The following CIMIP3 variants were observed in gnomAD, a reference collection of about 807,000 sequenced individuals.
The protein encoded by CIMIP3 is ciliary microtubule inner protein 3.
chr6:42,162,605 C>T, the CIMIP3 span, among the ~76,000 whole-genome samples: 4 of 133,804 alleles, frequency 3.0e-5, no homozygotes, highest in Non-Finnish European at 4.6e-5. Context: ...GCCAAGGACA[C>T]GGACAGACGA....
chr6:42,156,342 A>G, the CIMIP3 span, among the ~76,000 whole-genome samples: 155 of 145,138 alleles, frequency 1.1e-3, 1 homozygote, highest in Middle Eastern at 3.7e-3. Context: ...TAAAATAGAG[A>G]TGAGGTCTCT....
chr6:42,155,948 A>C, the CIMIP3 span, among the ~76,000 whole-genome samples: 1 of 152,146 alleles, frequency 6.6e-6, no homozygotes, highest in South Asian at 2.1e-4. Context: ...TGAGGTACAG[A>C]GATTATAATT....
the CIMIP3 span, among the ~76,000 whole-genome samples, chr6:42,160,682 G>A: frequency 6.6e-6 from 1 of 152,210 alleles, no homozygotes; most frequent in African/African-American, 2.4e-5. Context: ...CACAGAAGAG[G>A]ACAAGATGGG....
At chr6:42,158,666 C>A in the CIMIP3 span, among the ~76,000 whole-genome samples, 1 of 152,222 alleles carries the variant, frequency 6.6e-6, no homozygotes, top group Non-Finnish European at 1.5e-5. Context: ...TGCTTTGATG[C>A]CTCCGAGCCT....
At chr6:42,157,150 G>A in the CIMIP3 span, among the ~76,000 whole-genome samples, 7 of 152,336 alleles carry the variant, frequency 4.6e-5, no homozygotes, top group East Asian at 1.9e-4. Flanking sequence ...ACGCATATTA[G>A]TATATATGTA....
the CIMIP3 span, among the ~76,000 whole-genome samples, chr6:42,160,738 G>C: frequency 6.6e-6 from 1 of 152,220 alleles, no homozygotes; most frequent in Non-Finnish European, 1.5e-5. Context: ...AAGGTTTCAA[G>C]TCTGCTGCTG....
the CIMIP3 span, among the ~76,000 whole-genome samples, chr6:42,158,502 C>T: frequency 2.0e-5 from 3 of 152,176 alleles, no homozygotes; most frequent in South Asian, 2.1e-4. Context: ...TAAACACAGC[C>T]GAGGTGTGGA....
chr6:42,155,570 C>T, the CIMIP3 span: 2 of 717,344 alleles, frequency 2.8e-6, no homozygotes, highest in Non-Finnish European at 5.2e-6. Context: ...AAGCCCCAGC[C>T]AGCCTCACAT....
chr6:42,156,283 A>C, the CIMIP3 span, among the ~76,000 whole-genome samples: 1 of 149,872 alleles, frequency 6.7e-6, no homozygotes, highest in Admixed American at 6.6e-5. Flanking sequence ...GGCGTGAGCC[A>C]CTGTGCTCAG....
the CIMIP3 span, among the ~76,000 whole-genome samples, chr6:42,159,358 G>A: frequency 1.6e-4 from 24 of 152,314 alleles, no homozygotes; most frequent in East Asian, 3.5e-3. Flanking sequence ...GTGCTCAGTC[G>A]TGGTGTCTTT....
At chr6:42,157,675 C>T in the CIMIP3 span, among the ~76,000 whole-genome samples, 1 of 152,094 alleles carries the variant, frequency 6.6e-6, no homozygotes, top group African/African-American at 2.4e-5. Context: ...TAGGCATGAG[C>T]CACCACGCTG....
chr6:42,156,153 C>T, the CIMIP3 span, among the ~76,000 whole-genome samples: 14 of 151,912 alleles, frequency 9.2e-5, no homozygotes, highest in Admixed American at 9.2e-4. Context: ...GCCACCACGC[C>T]CGGCTAATTT....
chr6:42,160,503 T>A, the CIMIP3 span, among the ~76,000 whole-genome samples: 6 of 152,206 alleles, frequency 3.9e-5, no homozygotes, highest in African/African-American at 1.4e-4. Flanking sequence ...GTTTACAGCC[T>A]GTTGGGACTT....
the CIMIP3 span, among the ~76,000 whole-genome samples, chr6:42,162,441 CTG>C: frequency 2.1e-4 from 31 of 146,802 alleles, no homozygotes; most frequent in African/African-American, 7.3e-4. Flanking sequence ...GAGTCTCGCT[CTG>C]TGAGTGTGAA....
the CIMIP3 span, among the ~76,000 whole-genome samples, chr6:42,160,191 G>A: frequency 6.6e-6 from 1 of 151,770 alleles, no homozygotes; most frequent in Non-Finnish European, 1.5e-5. Context: ...GTCTCCCCAT[G>A]TTGCCCAGGC....
At chr6:42,157,025 G>T in the CIMIP3 span, among the ~76,000 whole-genome samples, 149 of 152,326 alleles carry the variant, frequency 9.8e-4, no homozygotes, top group Middle Eastern at 6.8e-3. Flanking sequence ...AGAGGACAGG[G>T]TGCCTTCCTA....
chr6:42,162,758 C>T, the CIMIP3 span, among the ~76,000 whole-genome samples: 1 of 152,194 alleles, frequency 6.6e-6, no homozygotes, highest in African/African-American at 2.4e-5. Context: ...TGGCTCTCCC[C>T]TGCTCTGGAG....
chr6:42,162,832 GCT>G, the CIMIP3 span: 1 of 570,844 alleles, frequency 1.8e-6, no homozygotes, highest in Non-Finnish European at 3.2e-6. Flanking sequence ...CTGAGCAGTG[GCT>G]CTTTCTCCTC....
the CIMIP3 span, chr6:42,163,037 G>C: frequency 1.4e-6 from 1 of 717,422 alleles, no homozygotes; most frequent in South Asian, 1.5e-5. Context: ...GCAGTCTCTG[G>C]CAGCAGCCTA....
Sources: gnomAD v4.1 joint callset for allele counts (sites outside exome capture counted in the v4.1 genomes callset) on GRCh38, gnomAD v4.1.1 for gene constraint, MANE v1.5 for transcripts, NCBI Gene and HGNC (gene_info 2026-07-23, HGNC 2026-07-21) for gene names.